The following SYT16 variants were observed in gnomAD, a reference collection of about 807,000 sequenced individuals.
The protein encoded by SYT16 is synaptotagmin 16, also known as synaptotagmin-16.
In SYT16, 42 loss-of-function variants were observed where a neutral mutation model predicts 61.4. That is an observed-to-expected ratio of 0.68 (90% CI 0.53 to 0.89). The LOEUF (loss-of-function observed/expected upper bound fraction) is 0.89. SYT16 is among the 40% of genes least tolerant of loss of function. The pLI is 0.00. For synonymous variants in SYT16, 314 were observed against 302.3 expected (o/e 1.04, Z -0.40); for missense variants, 804 against 807.3 (o/e 1.00, Z 0.05).
intron 1 of SYT16, among the ~76,000 whole-genome samples, chr14:61,920,114 C>A (rs1164881143): frequency 6.6e-6 from 1 of 152,140 alleles, no homozygotes; most frequent in Non-Finnish European, 1.5e-5. Flanking sequence ...GATGCTGGTC[C>A]TTTGGCCTCT....
At chr14:61,835,041 T>C (rs911237311) in intron 1 of SYT16, among the ~76,000 whole-genome samples, 1 of 152,150 alleles carries the variant, frequency 6.6e-6, no homozygotes, top group Admixed American at 6.6e-5. Context: ...ACTTTGCATA[T>C]GAAGATATTA....
At chr14:62,003,938 G>A (rs1437106276) in intron 3 of SYT16, among the ~76,000 whole-genome samples, 1 of 152,134 alleles carries the variant, frequency 6.6e-6, no homozygotes, top group African/African-American at 2.4e-5. Context: ...CATTCCACCT[G>A]GAGGAAATGT....
chr14:61,879,591 G>A (rs2047622535), intron 1 of SYT16, among the ~76,000 whole-genome samples: 1 of 152,086 alleles, frequency 6.6e-6, no homozygotes, highest in African/African-American at 2.4e-5. Context: ...TTCGTTTTAA[G>A]GTACCTGCTC....
intron 1 of SYT16, among the ~76,000 whole-genome samples, chr14:61,900,915 A>G (rs2048491719): frequency 6.6e-6 from 1 of 152,222 alleles, no homozygotes; most frequent in Non-Finnish European, 1.5e-5. Context: ...TCTTACCAAA[A>G]GAAGGTGGAC....
chr14:61,940,036 C>A (rs2050147214), intron 1 of SYT16, among the ~76,000 whole-genome samples: 1 of 152,088 alleles, frequency 6.6e-6, no homozygotes, highest in African/African-American at 2.4e-5. Flanking sequence ...TCGTTTCTTA[C>A]CATATTTATT....
At chr14:61,859,516 G>A (rs1436321789) in intron 1 of SYT16, among the ~76,000 whole-genome samples, 1 of 151,648 alleles carries the variant, frequency 6.6e-6, no homozygotes, top group South Asian at 2.1e-4. Context: ...TTTTCCGCTC[G>A]GAAAACCCCT....
chr14:61,818,218 T>A (rs2045502259), intron 1 of SYT16, among the ~76,000 whole-genome samples: 1 of 152,176 alleles, frequency 6.6e-6, no homozygotes, highest in South Asian at 2.1e-4. Context: ...TGAGCGTTGG[T>A]ATTTCACCAG....
At chr14:61,900,621 G>T (rs1369239462) in intron 1 of SYT16, among the ~76,000 whole-genome samples, 4 of 151,998 alleles carry the variant, frequency 2.6e-5, no homozygotes, top group African/African-American at 9.7e-5. Flanking sequence ...AGGAGGGCCT[G>T]CAGGAGAGAG....
At chr14:62,048,212 T>C (rs2055087952) in intron 3 of SYT16, among the ~76,000 whole-genome samples, 1 of 152,222 alleles carries the variant, frequency 6.6e-6, no homozygotes, top group Non-Finnish European at 1.5e-5. Flanking sequence ...TGGGAGGGTG[T>C]ATGTGTCTAG....
At chr14:62,055,843 C>G (rs1485231198) in intron 3 of SYT16, among the ~76,000 whole-genome samples, 1 of 152,166 alleles carries the variant, frequency 6.6e-6, no homozygotes, top group Non-Finnish European at 1.5e-5. Flanking sequence ...AATAGGCTAT[C>G]TGCAAGCTGA....
intron 3 of SYT16, among the ~76,000 whole-genome samples, chr14:62,029,741 G>A (rs1595198956): frequency 1.3e-5 from 2 of 151,604 alleles, no homozygotes; most frequent in African/African-American, 4.9e-5. Flanking sequence ...TAGTTCTGTC[G>A]CTCACCCTCT....
intron 1 of SYT16, among the ~76,000 whole-genome samples, chr14:61,914,822 C>T (rs1030047191): frequency 1.3e-5 from 2 of 152,194 alleles, no homozygotes; most frequent in African/African-American, 4.8e-5. Flanking sequence ...CCCTTTTAGC[C>T]TGTTCTCCAG....
At chr14:62,022,617 T>TAC (rs34287414) in intron 3 of SYT16, among the ~76,000 whole-genome samples, 9,458 of 149,822 alleles carry the variant, frequency 0.063, 715 homozygotes, top group African/African-American at 0.19. Flanking sequence ...TAATTTGTAT[T>TAC]ACACACACAC....
At chr14:61,856,242 A>T (rs2046770671) in intron 1 of SYT16, among the ~76,000 whole-genome samples, 1 of 152,230 alleles carries the variant, frequency 6.6e-6, no homozygotes, top group African/African-American at 2.4e-5. Context: ...ATACATCTCA[A>T]CAGGATTGCT....
At chr14:61,897,131 A>G (rs1017051817) in intron 1 of SYT16, 6 of 152,242 alleles carry the variant, frequency 3.9e-5, no homozygotes, top group Non-Finnish European at 4.4e-5. Context: ...TTGGAACACA[A>G]CCATGCTTAC....
At chr14:62,094,809 T>C (rs1270336226) in intron 7 of SYT16, among the ~76,000 whole-genome samples, 1 of 151,968 alleles carries the variant, frequency 6.6e-6, no homozygotes, top group Non-Finnish European at 1.5e-5. Context: ...ACAGGAGAGA[T>C]GTCAATAGGC....
chr14:62,087,991 G>A (rs1479198945), intron 7 of SYT16, among the ~76,000 whole-genome samples: 1 of 152,198 alleles, frequency 6.6e-6, no homozygotes, highest in Non-Finnish European at 1.5e-5. Context: ...GTATTGGTGA[G>A]GATGTGGAGA....
At chr14:61,984,810 G>A (rs2052233746) in intron 2 of SYT16, among the ~76,000 whole-genome samples, 1 of 152,174 alleles carries the variant, frequency 6.6e-6, no homozygotes, top group African/African-American at 2.4e-5. Flanking sequence ...ACACATGTAT[G>A]TAGAATTAGT....
chr14:61,841,000 C>T (rs1486718215), intron 1 of SYT16, among the ~76,000 whole-genome samples: 2 of 152,120 alleles, frequency 1.3e-5, no homozygotes, highest in Non-Finnish European at 2.9e-5. Flanking sequence ...GAGGGGAAGG[C>T]AATGGGATTA....
Sources: allele counts gnomAD v4.1 joint callset (sites outside exome capture counted in the v4.1 genomes callset), GRCh38; gene constraint gnomAD v4.1.1; transcripts MANE v1.5; gene names NCBI Gene and HGNC (gene_info 2026-07-23, HGNC 2026-07-21).